Variants in AGAP1 observed in about 807,000 individuals in gnomAD.
AGAP1 encodes arf-GAP with GTPase, ANK repeat and PH domain-containing protein 1.
Under a neutral mutation model 105.3 loss-of-function variants are expected in AGAP1, and 29 were observed. The ratio of observed to expected loss-of-function variants is 0.28; its 90% CI spans 0.21 to 0.38. The LOEUF is 0.38. Among genes scored for constraint, AGAP1 ranks in the 10% least tolerant of loss-of-function variants. The probability of loss-of-function intolerance (pLI) is 1.00; values close to 1 mark genes in which losing one functional copy is unlikely to be tolerated. For missense variants in AGAP1, 998 were observed against 1,165.1 expected (o/e 0.86, Z 2.09); for synonymous variants, 509 against 485.9 (o/e 1.05, Z -0.63).
At chr2:235,803,024 GATGGTT>G (rs1957631255) in intron 8 of AGAP1, among the ~76,000 whole-genome samples, 33 of 151,082 alleles carry the variant, frequency 2.2e-4, no homozygotes, top group African/African-American at 2.7e-4. Flanking sequence ...TGATGGTGGT[GATGGTT>G]GTGATGGTGA....
chr2:235,820,888 T>C (rs368554134), intron 9 of AGAP1, among the ~76,000 whole-genome samples: 2 of 152,264 alleles, frequency 1.3e-5, no homozygotes, highest in South Asian at 4.1e-4. Context: ...CAAAGAATGA[T>C]AAAATCCTAC....
Position 235,967,015 on chromosome 2 carries a change from A to T in AGAP1, c.1484-1447A>T, listed in dbSNP as rs894831462. Among the ~76,000 whole-genome samples the T allele has an allele frequency of 6.6e-6, 1 of 152,196 alleles. No individual in the cohort carries two copies. Among genetic ancestry groups the T allele is most frequent in the African/African-American group, 2.4e-5 (1 of 41,436 alleles). On this transcript the variant is annotated intron_variant, in intron 12 of 17. Coordinates refer to ENST00000304032, the MANE Select transcript of AGAP1 (RefSeq NM_001037131.3). The surrounding 1 kb of genome is among the most constrained non-coding windows in gnomAD (Gnocchi z 4.7). ...TTCCATTATCTTTGTATTTGAAATCATGTCACTGTTCTGCTCAGAACCCTG... is the reference window on the plus strand; with the variant it reads ...TTCCATTATCTTTGTATTTGAAATCTTGTCACTGTTCTGCTCAGAACCCTG...
intron 1 of AGAP1, among the ~76,000 whole-genome samples, chr2:235,658,192 T>C (rs1947835755): frequency 6.6e-6 from 1 of 152,210 alleles, no homozygotes; most frequent in Non-Finnish European, 1.5e-5. Context: ...TTATGGATTT[T>C]TTTTCCTTTA....
intron 1 of AGAP1, among the ~76,000 whole-genome samples, chr2:235,687,665 C>G (rs1029639765): frequency 6.6e-6 from 1 of 152,050 alleles, no homozygotes; most frequent in Non-Finnish European, 1.5e-5. Context: ...TGTCCGTTTC[C>G]AAAATACACA....
At chr2:235,996,747 A>G (rs906740478) in intron 13 of AGAP1, among the ~76,000 whole-genome samples, 1 of 152,218 alleles carries the variant, frequency 6.6e-6, no homozygotes, top group African/African-American at 2.4e-5. Context: ...ATGTAGACAG[A>G]AGTAACCATA....
chr2:235,509,184 C>T (rs2316432), intron 1 of AGAP1, among the ~76,000 whole-genome samples: 134,436 of 152,214 alleles, frequency 0.88, 59,646 homozygotes, highest in East Asian at 0.98. Context: ...TCTACACTTA[C>T]TTGATTTTTG....
chr2:235,770,028 G>T (rs1201778580), intron 6 of AGAP1, among the ~76,000 whole-genome samples: 1 of 152,084 alleles, frequency 6.6e-6, no homozygotes, highest in African/African-American at 2.4e-5. Context: ...TAACTTGTTT[G>T]TAAAAATACA....
intron 1 of AGAP1, among the ~76,000 whole-genome samples, chr2:235,686,666 T>TATATAGATATATATATATATATATA (rs1222184438): frequency 5.0e-5 from 3 of 60,488 alleles, no homozygotes; most frequent in South Asian, 4.7e-4. Context: ...TATATATATA[T>TATATAGATATATATATATATATATA]TTTTTTTTTT....
At chr2:235,679,190 A>G (rs886922776) in intron 1 of AGAP1, among the ~76,000 whole-genome samples, 2 of 152,228 alleles carry the variant, frequency 1.3e-5, no homozygotes, top group African/African-American at 4.8e-5. Context: ...GATTCTGCCT[A>G]GTTATCTACA....
Position 235,989,575 on chromosome 2 carries a change from C to T in AGAP1, c.1645+20952C>T, listed in dbSNP as rs1365471369. 6.6e-6 allele frequency among the ~76,000 whole-genome samples: 1 copy of T among 152,100 alleles called. No homozygotes were observed. Among genetic ancestry groups the T allele is most frequent in the Non-Finnish European group, 1.5e-5 (1 of 68,024 alleles). ...AGGGGCTGCCTGCGTGCAAGGAGGACATGAGGCCACATACAAAGCTTAGGG... is the reference window on the plus strand; with the variant it reads ...AGGGGCTGCCTGCGTGCAAGGAGGATATGAGGCCACATACAAAGCTTAGGG... On this transcript the variant is annotated intron_variant, in intron 13 of 17. Coordinates refer to ENST00000304032, the MANE Select transcript of AGAP1 (RefSeq NM_001037131.3). This position sits in a 1 kb window ranked among gnomAD's most constrained non-coding sequence, Gnocchi z 4.4.
In AGAP1 at chr2:235,824,691, G is replaced by A. The variant is rs570868659; in HGVS notation, c.1050+17360G>A. ...ATTCAGTTAACAGTGACTATTCCCA[G>A]AGCAATAAAAATATATTCCACATGT... On this transcript the variant is annotated intron_variant, in intron 9 of 17. Coordinates refer to ENST00000304032, the MANE Select transcript of AGAP1 (RefSeq NM_001037131.3). The surrounding 1 kb of genome is among the most constrained non-coding windows in gnomAD (Gnocchi z 5.2). Among the ~76,000 whole-genome samples the A allele has an allele frequency of 1.3e-5, 2 of 152,198 alleles. No homozygotes were observed. Among genetic ancestry groups the A allele is most frequent in the South Asian group, 4.2e-4 (2 of 4,818 alleles).
intron 10 of AGAP1, among the ~76,000 whole-genome samples, chr2:235,892,821 T>G (rs1396109844): frequency 1.3e-5 from 2 of 152,142 alleles, no homozygotes; most frequent in Admixed American, 6.5e-5. Context: ...TTTCACTGGT[T>G]TCCCCAGAAC....
At chr2:235,902,045 A>G (rs1192274114) in intron 10 of AGAP1, among the ~76,000 whole-genome samples, 2 of 152,228 alleles carry the variant, frequency 1.3e-5, no homozygotes, top group Non-Finnish European at 2.9e-5. Flanking sequence ...ATTTTTGTGA[A>G]AAGTATAATT....
chr2:235,603,195 G>C (rs1945791935), intron 1 of AGAP1, among the ~76,000 whole-genome samples: 1 of 152,056 alleles, frequency 6.6e-6, no homozygotes, highest in African/African-American at 2.4e-5. Flanking sequence ...TTCATAAGGG[G>C]AAACCCCTTT....
chr2:235,968,687 A>G (rs1001960536), intron 13 of AGAP1, 64 bp downstream of exon 13: 2 of 1,496,522 alleles, frequency 1.3e-6, no homozygotes, highest in Non-Finnish European at 1.8e-6. Context: ...TTATTTTTCA[A>G]ATGCGTGAAA....
At position 236,109,373 on chromosome 2, in the gene AGAP1, CT is replaced by C. The variant is rs2059586320; in HGVS notation, c.2115-10817del. Among the ~76,000 whole-genome samples the C allele has an allele frequency of 6.6e-6, 1 of 152,086 alleles. No homozygotes were observed. Among genetic ancestry groups the C allele is most frequent in the Non-Finnish European group, 1.5e-5 (1 of 68,036 alleles). ...TTTTCCTTTTAGTGATCTCCTTTCTCTTCATTCTAAAATTCCATGAATTATT... is the reference window on the plus strand; with the variant it reads ...TTTTCCTTTTAGTGATCTCCTTTCTCTCATTCTAAAATTCCATGAATTATT... On this transcript the variant is annotated intron_variant, in intron 16 of 17. Transcript: ENST00000304032. This position sits in a 1 kb window ranked among gnomAD's most constrained non-coding sequence, Gnocchi z 5.4.
intron 16 of AGAP1, among the ~76,000 whole-genome samples, chr2:236,106,274 A>T (rs2059488057): frequency 6.6e-6 from 1 of 152,228 alleles, no homozygotes; most frequent in African/African-American, 2.4e-5. Flanking sequence ...CCATCTGCAG[A>T]GCAGCAGTGA....
At chr2:235,694,653 GAA>G (rs796192262) in intron 1 of AGAP1, among the ~76,000 whole-genome samples, 1 of 143,538 alleles carries the variant, frequency 7.0e-6, no homozygotes, top group African/African-American at 2.5e-5. Context: ...GCCTCAGGGA[GAA>G]AAAAAAAAAG....
Position 235,830,602 on chromosome 2 carries a change from G to T in AGAP1, c.1050+23271G>T, listed in dbSNP as rs1261534705. Reference sequence around the variant, plus strand: ...TGTGAGATACTTTGGGGGCTCAGGGGGCTTGGAGTTTATTTGTTGGGGGAA... The same window carrying T: ...TGTGAGATACTTTGGGGGCTCAGGGTGCTTGGAGTTTATTTGTTGGGGGAA... On this transcript the variant is annotated intron_variant, in intron 9 of 17. Transcript: ENST00000304032. This position sits in a 1 kb window ranked among gnomAD's most constrained non-coding sequence, Gnocchi z 5.5. Among the ~76,000 whole-genome samples, 4 of 151,456 alleles carry T rather than the reference G, an allele frequency of 2.6e-5. No homozygotes were observed. Among genetic ancestry groups the T allele is most frequent in the Admixed American group, 2.6e-4 (4 of 15,200 alleles).
Sources: allele counts gnomAD v4.1 joint callset (sites outside exome capture counted in the v4.1 genomes callset), GRCh38; gene constraint gnomAD v4.1.1; non-coding constraint Gnocchi (gnomAD v3.1); transcripts MANE v1.5; gene names NCBI Gene and HGNC (gene_info 2026-07-23, HGNC 2026-07-21).